COLQ: variants seen among roughly 807,000 people sequenced by gnomAD.
COLQ encodes the protein acetylcholinesterase collagenic tail peptide.
Under a neutral mutation model 69.0 loss-of-function variants are expected in COLQ, and 48 were observed. That is an observed-to-expected ratio of 0.70 (90% CI 0.55 to 0.88). COLQ has a LOEUF of 0.88. COLQ is among the 40% of genes least tolerant of loss of function. The pLI, the probability that COLQ is intolerant of heterozygous loss-of-function variation, is 0.00. For synonymous variants in COLQ, 217 were observed against 211.2 expected, an observed-to-expected ratio of 1.03 and a Z score of -0.24; for missense variants, 618 against 594.6, an observed-to-expected ratio of 1.04 and a Z score of -0.41.
chr3:15,456,059 T>A lies in COLQ; in HGVS notation c.1075-40A>T, dbSNP rs1047967788. ...ACACAGCATTAACTGGAGCATGGCA[T>A]ACCCAGGCAGCCGCAGGCAGGGAGG... On this transcript the variant is annotated intron_variant, in intron 14 of 16. Transcript: ENST00000383788. 3.1e-6 allele frequency: 5 copies of A among 1,612,806 alleles called. No individual in the cohort carries two copies. In the South Asian group the frequency reaches 5.5e-5, roughly 18 times the overall value.
chr3:15,483,963 T>C (rs543082577), intron 3 of COLQ, among the ~76,000 whole-genome samples: 2 of 152,364 alleles, frequency 1.3e-5, no homozygotes, highest in Admixed American at 6.5e-5. Context: ...TTTACCATTA[T>C]GTAATGGCCT....
At chr3:15,518,109 A>G (rs2063087035) in intron 1 of COLQ, among the ~76,000 whole-genome samples, 1 of 152,040 alleles carries the variant, frequency 6.6e-6, no homozygotes, top group Admixed American at 6.6e-5. Flanking sequence ...CCACATCCAG[A>G]TAAATTTGTA....
intron 1 of COLQ, among the ~76,000 whole-genome samples, chr3:15,512,349 G>A (rs1378896342): frequency 1.3e-5 from 2 of 152,152 alleles, no homozygotes; most frequent in Non-Finnish European, 2.9e-5. Context: ...CCAAACACGC[G>A]CCCCATGCCT....
At chr3:15,502,272 A>C (rs576202112) in intron 1 of COLQ, among the ~76,000 whole-genome samples, 10 of 151,452 alleles carry the variant, frequency 6.6e-5, no homozygotes, top group Admixed American at 6.6e-4. Flanking sequence ...CCTGCCACCA[A>C]GCCTGGCTAA....
At chr3:15,478,876 G>T in intron 5 of COLQ, 101 bp downstream of exon 5, 3 of 1,394,690 alleles carry the variant, frequency 2.2e-6, no homozygotes, top group South Asian at 2.3e-5. Flanking sequence ...GGGTATCAGT[G>T]ACCACTGAAG....
chr3:15,471,742 A>G (rs926324232), intron 10 of COLQ, among the ~76,000 whole-genome samples: 2 of 152,220 alleles, frequency 1.3e-5, no homozygotes, highest in Admixed American at 1.3e-4. Flanking sequence ...AGCTCAGCCA[A>G]TGTGTCCCTA....
At chr3:15,452,902 C>A (rs2061969843) in intron 16 of COLQ, among the ~76,000 whole-genome samples, 1 of 152,166 alleles carries the variant, frequency 6.6e-6, no homozygotes, top group Non-Finnish European at 1.5e-5. Context: ...GCTCCCCAGC[C>A]CTGCCAAGGG....
chr3:15,455,915 C>G lies in COLQ; in HGVS notation c.1179G>C (p.Val393=). 1 of 1,614,186 alleles carries G rather than the reference C, an allele frequency of 6.2e-7. No homozygotes were observed. The highest frequency in any genetic ancestry group is 8.5e-7 in the Non-Finnish European group (1 of 1,180,012). ...GEECDDGNSD[V]GDDCIRCHRA... is the part of the protein sequence containing the mutation. ...CTCACTCACGGATGCAGTCGTCACC[C>G]ACATCGCTGTTACCGTCGTCACACT... The change falls in exon 15 of 17, where the codon GTG becomes GTC. Residue 393 remains valine (V), a synonymous_variant. Transcript: ENST00000383788.
Position 15,451,730 on chromosome 3 carries a change from C to A in COLQ, c.1299-17G>T. On this transcript the variant is annotated splice_polypyrimidine_tract_variant and intron_variant, in intron 16 of 16. Transcript: ENST00000383788. ...CCATATGACCTGAGGGAGGCAAAGA[C>A]ACGTTCTAAAAGGCCACCTCTTATA... 1 of 1,612,612 alleles carries A rather than the reference C, an allele frequency of 6.2e-7. No homozygotes were observed. Among genetic ancestry groups the A allele is most frequent in the Non-Finnish European group, 8.5e-7 (1 of 1,178,922 alleles).
intron 8 of COLQ, 69 bp from the exon 9 acceptor site, chr3:15,474,341 T>C: frequency 6.5e-7 from 1 of 1,537,286 alleles, no homozygotes; most frequent in Non-Finnish European, 9.0e-7. Context: ...CATTTCAAAC[T>C]GAAAAGCTCC....
At chr3:15,456,728 G>A in intron 13 of COLQ, 149 bp from the exon 14 acceptor site, 2 of 1,024,718 alleles carry the variant, frequency 2.0e-6, no homozygotes, top group African/African-American at 1.6e-5. Flanking sequence ...TCCTTCTGAA[G>A]TGAGAGGAGT....
In COLQ at chr3:15,521,510, C is replaced by A. The variant is rs1023914989; in HGVS notation, c.106+10G>T. 1.2e-6 allele frequency: 2 copies of A among 1,614,070 alleles called. No individual in the cohort carries two copies. Among genetic ancestry groups the A allele is most frequent in the African/African-American group, 2.7e-5 (2 of 75,010 alleles). On this transcript the variant is annotated intron_variant, in intron 1 of 16. Transcript: ENST00000383788. ...AGATGGAAGAGAGGAAAGTTGTGGC[C>A]ATCATTTACCTGCTGAGATTGGAAG...
intron 1 of COLQ, among the ~76,000 whole-genome samples, chr3:15,500,816 T>C (rs1215190996): frequency 6.6e-6 from 1 of 152,236 alleles, no homozygotes; most frequent in Non-Finnish European, 1.5e-5. Flanking sequence ...CTACTTTTAA[T>C]TGCTCTCCAG....
intron 3 of COLQ, among the ~76,000 whole-genome samples, chr3:15,482,388 A>G (rs1438124416): frequency 6.6e-6 from 1 of 152,206 alleles, no homozygotes; most frequent in African/African-American, 2.4e-5. Flanking sequence ...CGTCCCATCA[A>G]TACCTAGTTT....
At chr3:15,514,497 C>T (rs533810681) in intron 1 of COLQ, among the ~76,000 whole-genome samples, 1 of 152,282 alleles carries the variant, frequency 6.6e-6, no homozygotes, top group East Asian at 1.9e-4. Context: ...AATGCCTGAT[C>T]CAATACCCCA....
intron 3 of COLQ, among the ~76,000 whole-genome samples, chr3:15,482,098 T>C (rs2062495598): frequency 6.6e-6 from 1 of 152,222 alleles, no homozygotes; most frequent in African/African-American, 2.4e-5. Flanking sequence ...GCTTATCAGC[T>C]TAAGGAGATT....
chr3:15,521,676 C>A lies in COLQ; in HGVS notation c.-51G>T, dbSNP rs745770526. On this transcript the variant is annotated 5_prime_UTR_variant, in exon 1 of 17. Coordinates refer to ENST00000383788, the MANE Select transcript of COLQ (RefSeq NM_005677.4). ...AGTTAGAAAGGAGGCTGCTGCGGAG[C>A]CTTGCTTATCTCTGCTTTTCTCTTC... 5.6e-6 allele frequency: 9 copies of A among 1,610,518 alleles called. No individual in the cohort carries two copies. The South Asian group carries it at 9.9e-5, about 18-fold the overall frequency.
At chr3:15,487,027 C>A (rs1157067676) in intron 3 of COLQ, among the ~76,000 whole-genome samples, 1 of 152,168 alleles carries the variant, frequency 6.6e-6, no homozygotes, top group Non-Finnish European at 1.5e-5. Flanking sequence ...TTTGCCAACC[C>A]CTGCCATTGA....
chr3:15,456,368 C>T, intron 14 of COLQ, 92 bp downstream of exon 14: 4 of 1,568,826 alleles, frequency 2.5e-6, no homozygotes, highest in African/African-American at 1.3e-5. Flanking sequence ...GAAAGCCCTC[C>T]CCAGGCCCAG....
Sources: allele counts gnomAD v4.1 joint callset (sites outside exome capture counted in the v4.1 genomes callset), GRCh38; gene constraint gnomAD v4.1.1; transcripts MANE v1.5; gene names NCBI Gene and HGNC (gene_info 2026-07-23, HGNC 2026-07-21).